The following SPIN1 variants were observed in gnomAD, a reference collection of about 807,000 sequenced individuals.
The protein encoded by SPIN1 is spindlin 1, also known as spindlin-1.
A neutral mutation model predicts 26.0 loss-of-function variants in SPIN1; 3 were observed. That is an observed-to-expected ratio of 0.12 (90% CI 0.05 to 0.30). SPIN1 has a LOEUF of 0.30. Ranked by LOEUF, SPIN1 falls within the 10% of genes least tolerant of loss-of-function variation. The pLI is 1.00. For missense variants in SPIN1, 126 were observed against 333.4 expected, an observed-to-expected ratio of 0.38 and a Z score of 4.84; for synonymous variants, 101 against 116.5, an observed-to-expected ratio of 0.87 and a Z score of 0.86.
At position 88,477,969 on chromosome 9, in the gene SPIN1, T is replaced by TA. The variant is rs1828917379; in HGVS notation, c.*2695dup. 6.6e-6 allele frequency: 1 copy of TA among 152,220 alleles called. No individual in the cohort carries two copies. Among genetic ancestry groups the TA allele is most frequent in the African/African-American group, 2.4e-5 (1 of 41,444 alleles). 9.4% of individuals were successfully genotyped at this position (152,220 alleles called of 1,614,324 possible). On this transcript the variant is annotated 3_prime_UTR_variant, in exon 6 of 6. Coordinates refer to ENST00000375859, the MANE Select transcript of SPIN1 (RefSeq NM_006717.3). Reference sequence around the variant, plus strand: ...AATGTAACTGACTAAAATTGCATGTTAAAGATATTTAGGTTTTTTTGTTTT... The same window carrying TA: ...AATGTAACTGACTAAAATTGCATGTTAAAAGATATTTAGGTTTTTTTGTTTT...
At chr9:88,391,166 A>C (rs1424512102) in intron 1 of SPIN1, among the ~76,000 whole-genome samples, 1 of 152,186 alleles carries the variant, frequency 6.6e-6, no homozygotes, top group Non-Finnish European at 1.5e-5. Flanking sequence ...AGTATGTTGA[A>C]GTTACTCAAA....
At chr9:88,401,954 C>G (rs1827196067) in intron 1 of SPIN1, among the ~76,000 whole-genome samples, 1 of 152,096 alleles carries the variant, frequency 6.6e-6, no homozygotes, top group African/African-American at 2.4e-5. Flanking sequence ...GTATAATGAT[C>G]AAGTCAGGGT....
intron 2 of SPIN1, among the ~76,000 whole-genome samples, chr9:88,434,343 AGTTT>A (rs1827952202): frequency 8.6e-6 from 1 of 116,338 alleles, no homozygotes. Flanking sequence ...ATTATAAAAT[AGTTT>A]ATTTTATAAA....
intron 1 of SPIN1, among the ~76,000 whole-genome samples, chr9:88,390,810 A>C (rs923841807): frequency 1.3e-5 from 2 of 152,212 alleles, no homozygotes; most frequent in Non-Finnish European, 2.9e-5. Context: ...TTACTGGTCC[A>C]AAGCCACATA....
At chr9:88,391,350 A>C (rs906170079) in intron 1 of SPIN1, 2 of 164,548 alleles carry the variant, frequency 1.2e-5, no homozygotes, top group African/African-American at 2.4e-5. Flanking sequence ...AAAAAAGTAC[A>C]AGAATGACAG....
rs1222663818 is a variant in SPIN1, at chr9:88,478,084, TGTA to T, written c.*2810_*2812del. On this transcript the variant is annotated 3_prime_UTR_variant, in exon 6 of 6. Coordinates refer to ENST00000375859, the MANE Select transcript of SPIN1 (RefSeq NM_006717.3). Reference sequence around the variant, plus strand: ...GATAAAAATGCACTGGTGAAGCAAATGTAGTGCCAACAGAAGGTGATTTTCCAG... The same window carrying T: ...GATAAAAATGCACTGGTGAAGCAAATGTGCCAACAGAAGGTGATTTTCCAG... 6.6e-6 allele frequency: 1 copy of T among 152,222 alleles called. No individual in the cohort carries two copies. Among genetic ancestry groups the T allele is most frequent in the African/African-American group, 2.4e-5 (1 of 41,448 alleles). 9.4% of individuals were successfully genotyped at this position (152,222 alleles called of 1,614,324 possible). A position where few individuals can be genotyped will look rare whatever the true frequency, so the allele number is the denominator to read the frequency against.
At chr9:88,448,155 C>T (rs1828287883) in intron 2 of SPIN1, among the ~76,000 whole-genome samples, 1 of 151,874 alleles carries the variant, frequency 6.6e-6, no homozygotes, top group Non-Finnish European at 1.5e-5. Flanking sequence ...GCGATCTTCC[C>T]ACCTCAGCCT....
At chr9:88,458,514 C>T (rs557697687) in intron 3 of SPIN1, among the ~76,000 whole-genome samples, 5 of 152,130 alleles carry the variant, frequency 3.3e-5, no homozygotes, top group Non-Finnish European at 5.9e-5. Context: ...GTGATTCTAG[C>T]CATTATCAGG....
At chr9:88,401,788 C>A (rs1454515965) in intron 1 of SPIN1, among the ~76,000 whole-genome samples, 1 of 152,150 alleles carries the variant, frequency 6.6e-6, no homozygotes, top group Non-Finnish European at 1.5e-5. Flanking sequence ...AGTTGTGGAA[C>A]TGTATGTTCT....
chr9:88,473,677 C>T (rs946942256), intron 5 of SPIN1, among the ~76,000 whole-genome samples: 3 of 139,654 alleles, frequency 2.1e-5, no homozygotes, highest in Admixed American at 1.4e-4. Context: ...GCTATGGAAG[C>T]TTATTACCTT....
intron 5 of SPIN1, among the ~76,000 whole-genome samples, chr9:88,469,250 A>C (rs1828731331): frequency 6.6e-6 from 1 of 152,214 alleles, no homozygotes; most frequent in African/African-American, 2.4e-5. Context: ...CTGATCTGAC[A>C]GGAGGCAGAG....
chr9:88,417,101 T>C (rs1827581959), intron 1 of SPIN1, among the ~76,000 whole-genome samples: 1 of 152,254 alleles, frequency 6.6e-6, no homozygotes, highest in Non-Finnish European at 1.5e-5. Flanking sequence ...AAGGTTGTTA[T>C]TCTTTGTAAC....
intron 4 of SPIN1, 36 bp downstream of exon 4, chr9:88,462,785 T>C (rs765598372): frequency 2.6e-6 from 4 of 1,547,410 alleles, no homozygotes; most frequent in Non-Finnish European, 3.5e-6. Context: ...TTATATACTT[T>C]AAAAATGATA....
chr9:88,463,966 G>A (rs955723188), intron 4 of SPIN1, among the ~76,000 whole-genome samples: 2 of 152,130 alleles, frequency 1.3e-5, no homozygotes, highest in African/African-American at 4.8e-5. Context: ...CTTCTGAGAC[G>A]ACAGCTAGCT....
intron 2 of SPIN1, among the ~76,000 whole-genome samples, chr9:88,437,445 C>T (rs992307223): frequency 1.1e-4 from 16 of 151,562 alleles, no homozygotes; most frequent in African/African-American, 3.9e-4. Flanking sequence ...CTTCAGTGAG[C>T]ACTGACCATG....
At chr9:88,437,150 A>G (rs1288534802) in intron 2 of SPIN1, among the ~76,000 whole-genome samples, 4 of 152,022 alleles carry the variant, frequency 2.6e-5, no homozygotes. Flanking sequence ...TTATTTATCC[A>G]TTCACCTATT....
intron 4 of SPIN1, among the ~76,000 whole-genome samples, chr9:88,465,118 C>T (rs1828639025): frequency 6.6e-6 from 1 of 152,156 alleles, no homozygotes; most frequent in Admixed American, 6.5e-5. Context: ...TCCATTGTAT[C>T]TATATACCAC....
intron 1 of SPIN1, among the ~76,000 whole-genome samples, chr9:88,414,349 C>T (rs1827518079): frequency 6.6e-6 from 1 of 152,234 alleles, no homozygotes; most frequent in African/African-American, 2.4e-5. Flanking sequence ...CCCACCTCCA[C>T]ATCCTGAGAT....
At position 88,425,571 on chromosome 9, in the gene SPIN1, C is replaced by T. The variant is rs139085309; in HGVS notation, c.-158-811C>T. ...CGCACACCTGTAGTTCCAGCTACTC[C>T]GGAGGCTGAGGCAGAATTGCTTGAA... On this transcript the variant is annotated intron_variant, in intron 1 of 5. Transcript: ENST00000375859. Among the ~76,000 whole-genome samples the T allele has an allele frequency of 3.7e-3, 554 of 151,478 alleles. 2 individuals are homozygous for T. Among genetic ancestry groups the T allele is most frequent in the African/African-American group, 0.012 (515 of 41,272 alleles).
Sources: allele counts gnomAD v4.1 joint callset (sites outside exome capture counted in the v4.1 genomes callset), GRCh38; gene constraint gnomAD v4.1.1; transcripts MANE v1.5; gene names NCBI Gene and HGNC (gene_info 2026-07-23, HGNC 2026-07-21).